KIAA1755: variants seen among roughly 807,000 people sequenced by gnomAD.
KIAA1755 encodes KIAA1755.
Under a neutral mutation model 91.7 loss-of-function variants are expected in KIAA1755, and 68 were observed. That is an observed-to-expected ratio of 0.74 (90% CI 0.61 to 0.91). The LOEUF (loss-of-function observed/expected upper bound fraction) is 0.91. Ranked by LOEUF, KIAA1755 falls within the 40% of genes least tolerant of loss-of-function variation. The pLI is 0.00. For synonymous variants in KIAA1755, 610 were observed against 604.6 expected, an observed-to-expected ratio of 1.01 and a Z score of -0.13; for missense variants, 1,535 against 1,494.4, an observed-to-expected ratio of 1.03 and a Z score of -0.45.
chr20:38,219,523 T>C, intron 11 of KIAA1755, 107 bp downstream of exon 11: 2 of 1,463,538 alleles, frequency 1.4e-6, no homozygotes, highest in South Asian at 2.6e-5. Flanking sequence ...CTTGGTGTCC[T>C]TTCTCCAGAA....
At position 38,227,151 on chromosome 20, in the gene KIAA1755, C is replaced by T. The variant is rs758479217; in HGVS notation, c.2052+3G>A. 5 of 1,611,868 alleles carry T rather than the reference C, an allele frequency of 3.1e-6. No individual in the cohort carries two copies. The Admixed American group carries it at 5.0e-5, about 16-fold the overall frequency. ...TCAACCGCCGACCCTGAGTCCCCCT[C>T]ACCTGGACGTCAGGTAATGTCTGCA... On this transcript the variant is annotated splice_donor_region_variant and intron_variant, in intron 7 of 13. Transcript: ENST00000279024.
At chr20:38,219,336 C>T (rs1479157153) in intron 11 of KIAA1755, among the ~76,000 whole-genome samples, 4 of 152,198 alleles carry the variant, frequency 2.6e-5, no homozygotes, top group Admixed American at 6.5e-5. Context: ...TAGCACCTTC[C>T]CCATGAGTTC....
At chr20:38,259,807 GCCA>G (rs1305611017) in intron 1 of KIAA1755, among the ~76,000 whole-genome samples, 40 of 130,108 alleles carry the variant, frequency 3.1e-4, no homozygotes, top group African/African-American at 9.2e-4. Flanking sequence ...ACGCATCCCT[GCCA>G]CCACCACCAC....
chr20:38,215,892 T>C (rs1265240485), intron 13 of KIAA1755, among the ~76,000 whole-genome samples: 2 of 152,220 alleles, frequency 1.3e-5, no homozygotes, highest in African/African-American at 2.4e-5. Flanking sequence ...GTTACTTCCA[T>C]TGAAATCTGT....
intron 12 of KIAA1755, 110 bp downstream of exon 12, chr20:38,218,134 G>A: frequency 6.9e-7 from 1 of 1,439,716 alleles, no homozygotes. Flanking sequence ...CACTGTCTCT[G>A]GAACTTTTCT....
rs534344448 is a variant in KIAA1755 at position 38,234,559 on chromosome 20, G to A, written c.1748-3234C>T. 3.9e-5 allele frequency among the ~76,000 whole-genome samples: 6 copies of A among 152,288 alleles called. No homozygotes were observed. The South Asian group carries it at 1.2e-3, about 32-fold the overall frequency. Reference sequence around the variant, plus strand: ...CACCTCTCAAACTTTGATGGGCCTGGGGATCTTGTTAGAATGCAGATGCCA... The same window carrying A: ...CACCTCTCAAACTTTGATGGGCCTGAGGATCTTGTTAGAATGCAGATGCCA... On this transcript the variant is annotated intron_variant, in intron 4 of 13. Coordinates refer to ENST00000279024, the MANE Select transcript of KIAA1755 (RefSeq NM_001029864.2).
chr20:38,221,307 G>C (rs738466), intron 10 of KIAA1755, among the ~76,000 whole-genome samples: 1 of 152,142 alleles, frequency 6.6e-6, no homozygotes, highest in African/African-American at 2.4e-5. Context: ...GCGGGTCTGC[G>C]GGGCCTCGGA....
chr20:38,230,812 C>T (rs571208035), intron 5 of KIAA1755, among the ~76,000 whole-genome samples: 68 of 151,252 alleles, frequency 4.5e-4, no homozygotes, highest in Admixed American at 1.5e-3. Context: ...CGCTTGAACC[C>T]GGGAGGCGGA....
intron 2 of KIAA1755, among the ~76,000 whole-genome samples, chr20:38,244,959 G>A (rs778740865): frequency 2.0e-5 from 3 of 152,078 alleles, no homozygotes; most frequent in South Asian, 4.2e-4. Context: ...AACCCCTGAC[G>A]TCATGATCCA....
chr20:38,240,789 C>G lies in KIAA1755; in HGVS notation c.1342G>C (p.Gly448Arg), dbSNP rs755400632. Reference protein sequence around the residue: ...KIEVKTKERNGRLPKPMPCPS... With the variant: ...KIEVKTKERNRRLPKPMPCPS... ...CAGGGCATGGGCTTGGGAAGTCTCC[C>G]ATTTCTCTCTTTGGTCTTCACCTCT... Residue 448 changes from glycine (G) to arginine (R), a missense_variant, in exon 3 of 14, where the codon GGG (glycine) becomes CGG (arginine). By Grantham distance (125) the Gly-to-Arg change is moderately radical (BLOSUM62 -2). Transcript: ENST00000279024. 7 of 1,608,908 alleles carry G rather than the reference C, an allele frequency of 4.4e-6. No homozygotes were observed. In the Admixed American group the frequency reaches 6.7e-5, roughly 15 times the overall value.
At chr20:38,217,146 G>T in intron 13 of KIAA1755, 107 bp downstream of exon 13, 2 of 947,026 alleles carry the variant, frequency 2.1e-6, no homozygotes, top group South Asian at 1.6e-5. Flanking sequence ...GATGGGGGCG[G>T]TGTCTATGCA....
rs1246436165 is a variant in KIAA1755, at chr20:38,241,030, C to G, written c.1101G>C (p.Arg367Ser). The change falls in exon 3 of 14, where the codon AGG becomes AGC. Residue 367 changes from arginine (R) to serine (S), a missense_variant. Arg to Ser is a moderately radical substitution (Grantham distance 110, BLOSUM62 -1). Coordinates refer to ENST00000279024, the MANE Select transcript of KIAA1755 (RefSeq NM_001029864.2). ...NLKAPTHNSERPPQGSYMNVL... is the reference protein window; with the variant it reads ...NLKAPTHNSESPPQGSYMNVL... ...CATTCATGTAGGAGCCTTGGGGCGG[C>G]CTTTCTGAGTTGTGGGTGGGTGCTT... 1.1e-5 allele frequency: 17 copies of G among 1,614,054 alleles called. No homozygotes were observed. Among genetic ancestry groups the G allele is most frequent in the Non-Finnish European group, 1.4e-5 (17 of 1,180,052 alleles).
chr20:38,238,609 C>T (rs2075999446), intron 4 of KIAA1755, among the ~76,000 whole-genome samples: 1 of 152,158 alleles, frequency 6.6e-6, no homozygotes, highest in Non-Finnish European at 1.5e-5. Context: ...CCTGTCCTTC[C>T]CAACTGTCAC....
chr20:38,253,426 G>A (rs746461449), intron 1 of KIAA1755, among the ~76,000 whole-genome samples: 15 of 152,158 alleles, frequency 9.9e-5, no homozygotes, highest in Non-Finnish European at 1.5e-5. Flanking sequence ...AAAAGGCATA[G>A]GATGATGCCT....
At chr20:38,245,104 A>T (rs927991650) in intron 2 of KIAA1755, among the ~76,000 whole-genome samples, 3 of 152,032 alleles carry the variant, frequency 2.0e-5, no homozygotes, top group Non-Finnish European at 4.4e-5. Context: ...CAATCCTGGT[A>T]CCCCACTCCT....
chr20:38,234,797 C>A (rs1243882042), intron 4 of KIAA1755, among the ~76,000 whole-genome samples: 2 of 152,210 alleles, frequency 1.3e-5, no homozygotes, highest in Non-Finnish European at 2.9e-5. Context: ...GAGTTGATTA[C>A]AGCAAGGGGC....
chr20:38,241,937 G>A lies in KIAA1755; in HGVS notation c.202-8C>T, dbSNP rs2076077061. On this transcript the variant is annotated splice_polypyrimidine_tract_variant and splice_region_variant and intron_variant, in intron 2 of 13. Coordinates refer to ENST00000279024, the MANE Select transcript of KIAA1755 (RefSeq NM_001029864.2). ...GCAGTGTGAGTAGGGAGCCTGTGGA[G>A]AGAAGGGGATGGCATCAGAGAACCT... The A allele has an allele frequency of 6.2e-7, 1 of 1,605,846 alleles. No homozygotes were observed. The highest frequency in any genetic ancestry group is 1.1e-5 in the South Asian group (1 of 90,384).
chr20:38,250,664 T>G (rs1340971165), intron 1 of KIAA1755, among the ~76,000 whole-genome samples: 1 of 152,028 alleles, frequency 6.6e-6, no homozygotes, highest in East Asian at 1.9e-4. Flanking sequence ...GAAAAGTGGC[T>G]GCTTCTACGA....
intron 1 of KIAA1755, 132 bp from the exon 2 acceptor site, chr20:38,246,258 C>G (rs867559740): frequency 2.8e-6 from 2 of 711,884 alleles, no homozygotes; most frequent in African/African-American, 1.8e-5. Context: ...CCCCACCCCC[C>G]TCACTCATCA....
Sources: allele counts gnomAD v4.1 joint callset (sites outside exome capture counted in the v4.1 genomes callset), GRCh38; gene constraint gnomAD v4.1.1; transcripts MANE v1.5; gene names NCBI Gene and HGNC (gene_info 2026-07-23, HGNC 2026-07-21).